Variants in XIRP2 observed in about 807,000 individuals in gnomAD.
The protein encoded by XIRP2 is xin actin-binding repeat-containing protein 2.
A neutral mutation model predicts 277.0 loss-of-function variants in XIRP2; 236 were observed. That is an observed-to-expected ratio of 0.85 (90% CI 0.77 to 0.95). The LOEUF (loss-of-function observed/expected upper bound fraction) is 0.95, where lower values mean the gene tolerates loss of function less well. Ranked by LOEUF, XIRP2 falls within the 40% of genes least tolerant of loss-of-function variation. XIRP2 has a pLI of 0.00. For synonymous variants in XIRP2, 1,490 were observed against 1,416.5 expected, an observed-to-expected ratio of 1.05 and a Z score of -1.17; for missense variants, 4,640 against 4,157.5, an observed-to-expected ratio of 1.12 and a Z score of -3.19.
chr2:167,120,687 G>A (rs1691032725), intron 2 of XIRP2, among the ~76,000 whole-genome samples: 1 of 152,116 alleles, frequency 6.6e-6, no homozygotes, highest in Non-Finnish European at 1.5e-5. Flanking sequence ...TGGACAGCCA[G>A]AAGCTTCATG....
intron 5 of XIRP2, among the ~76,000 whole-genome samples, chr2:167,234,189 A>G (rs1267020201): frequency 1.3e-5 from 2 of 151,452 alleles, no homozygotes; most frequent in Non-Finnish European, 3.0e-5. Flanking sequence ...TATTTTCTTT[A>G]TTAAAAATGA....
intron 3 of XIRP2, among the ~76,000 whole-genome samples, chr2:167,198,257 C>CA (rs1345186019): frequency 6.6e-6 from 1 of 152,128 alleles, no homozygotes; most frequent in African/African-American, 2.4e-5. Flanking sequence ...CATTTATAGG[C>CA]AAAGGGTATT....
At chr2:167,150,158 A>T (rs1416208663) in intron 3 of XIRP2, among the ~76,000 whole-genome samples, 1 of 152,060 alleles carries the variant, frequency 6.6e-6, no homozygotes, top group African/African-American at 2.4e-5. Flanking sequence ...CTTAAAAAAA[A>T]ATCGGTAGCA....
At chr2:167,253,972 T>C (rs934709288) in intron 9 of XIRP2, 60 bp from the exon 10 acceptor site, 28 of 1,509,988 alleles carry the variant, frequency 1.9e-5, no homozygotes, top group Middle Eastern at 2.5e-4. Context: ...TGTTTTGTTA[T>C]GTTTTTACAA....
At position 167,240,668 on chromosome 2, in the gene XIRP2, C is replaced by A; in HGVS notation, c.974C>A (p.Ser325Tyr). 6.2e-7 allele frequency: 1 copy of A among 1,613,600 alleles called. No individual in the cohort carries two copies. The highest frequency in any genetic ancestry group is 1.1e-5 in the South Asian group (1 of 91,060). ...KIDVHGTEMV[S>Y]HLEKHTEEVN... is the part of the protein sequence containing the mutation. ...TCAAATTCTCTTTAAATACAGGTCT[C>A]TCATCTTGAAAAGCACACCGAGGAA... Residue 325 changes from serine to tyrosine, a missense_variant, in exon 7 of 11, where the codon TCT (serine) becomes TAT (tyrosine). Physicochemically the swap from Ser to Tyr is moderately radical, Grantham distance 144. Transcript: ENST00000409195.
At chr2:166,910,108 G>A (rs6754650) in intron 2 of XIRP2, among the ~76,000 whole-genome samples, 47,103 of 151,932 alleles carry the variant, frequency 0.31, 7,765 homozygotes, top group East Asian at 0.55. Flanking sequence ...CTTTGGTATC[G>A]CGATGATGCT....
At position 167,249,202 on chromosome 2, in the gene XIRP2, G is replaced by A; in HGVS notation, c.7810G>A (p.Glu2604Lys). The change falls in exon 9 of 11, where the codon GAA (glutamate) becomes AAA (lysine). Residue 2604 changes from glutamate (E) to lysine (K), a missense_variant. Transcript: ENST00000409195. Reference sequence around the variant, plus strand: ...GGTTTCCCTATCTGGAATTGATTCAGAATGCACTGTGGTTCAACCCAGCCC... The same window carrying A: ...GGTTTCCCTATCTGGAATTGATTCAAAATGCACTGTGGTTCAACCCAGCCC... ...EEVSLSGIDSECTVVQPSPGS... is the reference protein window; with the variant it reads ...EEVSLSGIDSKCTVVQPSPGS... 1 of 1,613,730 alleles carries A rather than the reference G, an allele frequency of 6.2e-7. No homozygotes were observed. Among genetic ancestry groups the A allele is most frequent in the Non-Finnish European group, 8.5e-7 (1 of 1,179,782 alleles).
chr2:167,135,821 T>G, intron 2 of XIRP2, 88 bp from the exon 3 acceptor site: 1 of 1,266,636 alleles, frequency 7.9e-7, no homozygotes, highest in South Asian at 2.1e-5. Context: ...CCCTCCCTCT[T>G]TCATTTCTGC....
chr2:167,247,649 C>T lies in XIRP2; in HGVS notation c.6257C>T (p.Thr2086Ile). 6.2e-7 allele frequency: 1 copy of T among 1,613,588 alleles called. No homozygotes were observed. Among genetic ancestry groups the T allele is most frequent in the Non-Finnish European group, 8.5e-7 (1 of 1,179,728 alleles). The change falls in exon 9 of 11, where the codon ACT (threonine) becomes ATT (isoleucine). Residue 2086 changes from threonine (T) to isoleucine (I), a missense_variant. By Grantham distance (89) the Thr-to-Ile change is moderately conservative. Transcript: ENST00000409195. ...TATATGAGCAGACAATTAACTTCAA[C>T]TGTGTCAGTTAAGAATAATCTAACA... ...DEYMSRQLTS[T>I]VSVKNNLTTK...
At chr2:166,955,261 A>G (rs1159851136) in intron 2 of XIRP2, among the ~76,000 whole-genome samples, 1 of 151,890 alleles carries the variant, frequency 6.6e-6, no homozygotes, top group Non-Finnish European at 1.5e-5. Flanking sequence ...GACTCGTGCT[A>G]TGATGTGAAT....
At chr2:166,899,708 A>C (rs538284046) in intron 1 of XIRP2, among the ~76,000 whole-genome samples, 1 of 152,098 alleles carries the variant, frequency 6.6e-6, no homozygotes, top group South Asian at 2.1e-4. Context: ...TCTGGTCTTC[A>C]TGGTTTCTGA....
chr2:167,158,875 A>T (rs977618438), intron 3 of XIRP2, among the ~76,000 whole-genome samples: 2 of 152,168 alleles, frequency 1.3e-5, no homozygotes, highest in Non-Finnish European at 2.9e-5. Flanking sequence ...CTATAAATGG[A>T]GATTGGAGTA....
chr2:167,034,616 A>G (rs1688460956), intron 2 of XIRP2, among the ~76,000 whole-genome samples: 1 of 152,176 alleles, frequency 6.6e-6, no homozygotes, highest in South Asian at 2.1e-4. Flanking sequence ...ATGCCAACAG[A>G]AACCAATAAA....
chr2:167,249,353 A>C lies in XIRP2; in HGVS notation c.7961A>C (p.Lys2654Thr), dbSNP rs1695393023. Residue 2654 changes from lysine (K) to threonine (T), a missense_variant, in exon 9 of 11, where the codon AAG (lysine) becomes ACG (threonine). Transcript: ENST00000409195. The stretch of plus-strand genomic sequence containing the variant: ...TTAGCAGCTTCAGAAGACAAAGATA[A>C]GATGAAAAAGGAAGTTTTACAAAGC... Reference protein sequence around the residue: ...HVLAASEDKDKMKKEVLQSSR... With the variant: ...HVLAASEDKDTMKKEVLQSSR... The C allele has an allele frequency of 8.1e-6, 13 of 1,613,810 alleles. No homozygotes were observed. In the East Asian group the frequency reaches 2.7e-4, roughly 33 times the overall value.
intron 2 of XIRP2, among the ~76,000 whole-genome samples, chr2:167,026,501 T>C (rs1376533984): frequency 6.6e-6 from 1 of 152,304 alleles, no homozygotes; most frequent in East Asian, 1.9e-4. Flanking sequence ...TGTCATTTGA[T>C]GTTAGCTGGT....
chr2:167,169,332 C>G (rs1475434656), intron 3 of XIRP2, among the ~76,000 whole-genome samples: 1 of 152,198 alleles, frequency 6.6e-6, no homozygotes, highest in Non-Finnish European at 1.5e-5. Context: ...TGTAGGGGCT[C>G]TCCTATGACT....
chr2:166,892,478 A>G (rs946376083), intron 1 of XIRP2, among the ~76,000 whole-genome samples: 4 of 152,174 alleles, frequency 2.6e-5, no homozygotes, highest in African/African-American at 9.6e-5. Context: ...CAGCTCTGGC[A>G]TGCAATCCAG....
chr2:167,202,229 A>AT (rs1433541432), intron 3 of XIRP2, among the ~76,000 whole-genome samples: 1 of 152,144 alleles, frequency 6.6e-6, no homozygotes, highest in Non-Finnish European at 1.5e-5. Context: ...TCAATTATTG[A>AT]TTTTTTTAAC....
At chr2:166,956,844 T>G (rs1686175889) in intron 2 of XIRP2, among the ~76,000 whole-genome samples, 1 of 151,758 alleles carries the variant, frequency 6.6e-6, no homozygotes, top group Admixed American at 6.6e-5. Context: ...TATATCTCAA[T>G]GAGGGAAATG....
Sources: allele counts gnomAD v4.1 joint callset (sites outside exome capture counted in the v4.1 genomes callset), GRCh38; gene constraint gnomAD v4.1.1; transcripts MANE v1.5; gene names NCBI Gene and HGNC (gene_info 2026-07-23, HGNC 2026-07-21).